The following RYR2 variants were observed in gnomAD, a reference collection of about 807,000 sequenced individuals.
RYR2 encodes the protein cardiac muscle ryanodine receptor-calcium release channel.
RYR2 carries 227 observed loss-of-function variants against 601.1 expected under a neutral mutation model. That is an observed-to-expected ratio of 0.38 (90% CI 0.34 to 0.42). The LOEUF is 0.42. Ranked by LOEUF, RYR2 falls within the 10% of genes least tolerant of loss-of-function variation. RYR2 has a pLI of 1.00. For synonymous variants in RYR2, 2,223 were observed against 2,175.1 expected, an observed-to-expected ratio of 1.02 and a Z score of -0.61; for missense variants, 4,646 against 6,156.5, an observed-to-expected ratio of 0.75 and a Z score of 8.21.
intron 2 of RYR2, among the ~76,000 whole-genome samples, chr1:237,311,184 A>G (rs988085951): frequency 6.6e-6 from 1 of 152,226 alleles, no homozygotes; most frequent in African/African-American, 2.4e-5. Context: ...GTTGAAAATT[A>G]TACTGGTTAT....
intron 25 of RYR2, among the ~76,000 whole-genome samples, chr1:237,533,049 T>C (rs925299209): frequency 6.6e-6 from 1 of 152,198 alleles, no homozygotes; most frequent in Admixed American, 6.5e-5. Context: ...TTTGTCTCAT[T>C]GAGGAACTAA....
chr1:237,302,339 G>A (rs551072030), intron 2 of RYR2, among the ~76,000 whole-genome samples: 1 of 152,154 alleles, frequency 6.6e-6, no homozygotes, highest in South Asian at 2.1e-4. Context: ...GGAAACATAC[G>A]AGTGCGACTC....
At chr1:237,741,545 C>CATA (rs2149207989) in intron 79 of RYR2, among the ~76,000 whole-genome samples, 1 of 152,128 alleles carries the variant, frequency 6.6e-6, no homozygotes, top group African/African-American at 2.4e-5. Flanking sequence ...TACTACAGAC[C>CATA]ATAATAATAA....
In RYR2 at chr1:237,282,231, G is replaced by C. The variant is rs370688575; in HGVS notation, c.168+11615G>C. Among the ~76,000 whole-genome samples the C allele has an allele frequency of 7.3e-5, 11 of 150,752 alleles. No homozygotes were observed. In the South Asian group the frequency reaches 2.3e-3, roughly 32 times the overall value. ...ATAGAGCCAGATGGGAAATATTTTA[G>C]TTTTGTGGGTCAGATGTTTTCTATT... On this transcript the variant is annotated intron_variant, in intron 2 of 104. Transcript: ENST00000366574.
intron 1 of RYR2, among the ~76,000 whole-genome samples, chr1:237,237,754 C>G (rs776391574): frequency 2.0e-5 from 3 of 152,232 alleles, no homozygotes; most frequent in Non-Finnish European, 2.9e-5. Context: ...CTAGTCTTTT[C>G]CGAATTGACT....
intron 1 of RYR2, among the ~76,000 whole-genome samples, chr1:237,085,759 T>G (rs989333855): frequency 1.3e-5 from 2 of 150,984 alleles, no homozygotes; most frequent in African/African-American, 4.9e-5. Context: ...TGCTTCTGAC[T>G]TTTTTTTTGA....
chr1:237,182,629 G>A (rs1009550322), intron 1 of RYR2, among the ~76,000 whole-genome samples: 3 of 152,136 alleles, frequency 2.0e-5, no homozygotes, highest in Admixed American at 2.0e-4. Flanking sequence ...TTGGTGACTT[G>A]GTGCTTCTAA....
chr1:237,673,959 G>A (rs1685172817), intron 58 of RYR2, 137 bp from the exon 59 acceptor site: 1 of 570,182 alleles, frequency 1.8e-6, no homozygotes, highest in Admixed American at 3.2e-5. Flanking sequence ...GGCAGTAGAG[G>A]CAGAAGAGTC....
At chr1:237,316,994 A>G (rs2149512095) in intron 2 of RYR2, among the ~76,000 whole-genome samples, 1 of 152,254 alleles carries the variant, frequency 6.6e-6, no homozygotes, top group Non-Finnish European at 1.5e-5. Flanking sequence ...CATTTTCTAA[A>G]TTTAGATCAT....
At position 237,501,176 on chromosome 1, in the gene RYR2, T is replaced by G. The variant is rs192179493; in HGVS notation, c.2396+273T>G. Among the ~76,000 whole-genome samples, 4,091 of 151,858 alleles carry G rather than the reference T, an allele frequency of 0.027. 79 individuals carry two copies. Among genetic ancestry groups the G allele is most frequent in the Non-Finnish European group, 0.041 (2,778 of 67,940 alleles). ...GGTCCTGAACTATTTCAAGGTGTTT[T>G]TTTTTTTTTTTTTAGTTCATTTATT... is the stretch of plus-strand genomic sequence containing the variant. On this transcript the variant is annotated intron_variant, in intron 21 of 104. Coordinates refer to ENST00000366574, the MANE Select transcript of RYR2 (RefSeq NM_001035.3).
intron 16 of RYR2, among the ~76,000 whole-genome samples, chr1:237,468,361 A>G (rs1015964119): frequency 1.3e-5 from 2 of 152,222 alleles, no homozygotes; most frequent in Admixed American, 1.3e-4. Context: ...AAGTGAGTGT[A>G]TAAACTAGGC....
At chr1:237,798,801 CAT>C (rs1553331126) in intron 97 of RYR2, among the ~76,000 whole-genome samples, 1 of 148,306 alleles carries the variant, frequency 6.7e-6, no homozygotes, top group Non-Finnish European at 1.5e-5. Flanking sequence ...CACACACACA[CAT>C]ATAGTGTGAG....
At chr1:237,593,407 G>T (rs929216874) in intron 32 of RYR2, 69 bp from the exon 33 acceptor site, 2 of 1,470,112 alleles carry the variant, frequency 1.4e-6, no homozygotes, top group Admixed American at 4.2e-5. Context: ...GACACAGTTA[G>T]GATTGCAAAT....
At chr1:237,687,293 ATTCT>A (rs1304583831) in intron 62 of RYR2, among the ~76,000 whole-genome samples, 158 bp from the exon 63 acceptor site, 1 of 146,498 alleles carries the variant, frequency 6.8e-6, no homozygotes, top group African/African-American at 2.5e-5. Flanking sequence ...CAGAGAATTG[ATTCT>A]TTCTGCGTGA....
At chr1:237,192,976 G>A (rs1288295442) in intron 1 of RYR2, among the ~76,000 whole-genome samples, 1 of 151,906 alleles carries the variant, frequency 6.6e-6, no homozygotes, top group African/African-American at 2.4e-5. Context: ...CGTGGGCAAG[G>A]TAACACCTGT....
intron 20 of RYR2, among the ~76,000 whole-genome samples, chr1:237,497,223 A>T (rs187711136): frequency 9.3e-4 from 141 of 152,346 alleles, no homozygotes; most frequent in Non-Finnish European, 1.6e-3. Flanking sequence ...ATGGTGGGAA[A>T]TCAATAATTT....
intron 1 of RYR2, among the ~76,000 whole-genome samples, chr1:237,139,770 T>C (rs1160953802): frequency 6.6e-6 from 1 of 152,222 alleles, no homozygotes; most frequent in Non-Finnish European, 1.5e-5. Context: ...AAAATATTTC[T>C]ATTTAGATTC....
chr1:237,430,841 C>G (rs990528149), intron 12 of RYR2, among the ~76,000 whole-genome samples: 1 of 152,190 alleles, frequency 6.6e-6, no homozygotes, highest in Non-Finnish European at 1.5e-5. Context: ...GAATATCCCT[C>G]CTAATATTCT....
At chr1:237,638,635 A>G in intron 45 of RYR2, 143 bp downstream of exon 45, 1 of 913,486 alleles carries the variant, frequency 1.1e-6, no homozygotes, top group East Asian at 2.5e-5. Context: ...TTTCACAGTA[A>G]CCACTTATAA....
Sources: allele counts gnomAD v4.1 joint callset (sites outside exome capture counted in the v4.1 genomes callset), GRCh38; gene constraint gnomAD v4.1.1; transcripts MANE v1.5; gene names NCBI Gene and HGNC (gene_info 2026-07-23, HGNC 2026-07-21).